The following FAT3 variants were observed in gnomAD, a reference collection of about 807,000 sequenced individuals.
FAT3 encodes protocadherin Fat 3.
In FAT3, 95 loss-of-function variants were observed where a neutral mutation model predicts 310.2. The ratio of observed to expected loss-of-function variants is 0.31; its 90% CI spans 0.26 to 0.36. The LOEUF (loss-of-function observed/expected upper bound fraction) is 0.36, where lower values mean the gene tolerates loss of function less well. Ranked by LOEUF, FAT3 falls within the 10% of genes least tolerant of loss-of-function variation. FAT3 has a pLI of 1.00. For missense variants in FAT3, 5,408 were observed against 5,715.6 expected (o/e 0.95, Z 1.74); for synonymous variants, 2,314 against 2,192.9 (o/e 1.06, Z -1.54).
At chr11:92,543,210 C>T (rs1954508239) in intron 3 of FAT3, among the ~76,000 whole-genome samples, 1 of 152,018 alleles carries the variant, frequency 6.6e-6, no homozygotes, top group Non-Finnish European at 1.5e-5. Flanking sequence ...AGAGATTAAT[C>T]AACATGTATA....
rs377320111 is a variant in FAT3, at chr11:92,801,830, G to T, written c.8817G>T (p.Pro2939=). 8 of 1,613,840 alleles carry T rather than the reference G, an allele frequency of 5.0e-6. No individual in the cohort carries two copies. The African/African-American group carries it at 9.3e-5, about 19-fold the overall frequency. Residue 2939 remains proline (P), a synonymous_variant, in exon 10 of 28, where the codon CCG becomes CCT. Coordinates refer to ENST00000525166, the MANE Select transcript of FAT3 (RefSeq NM_001367949.2). ...GGAATGTGAAGGAGAGCGACCCACC[G>T]GGCGAGGTGGTAGCCGTCCTCAGCA... ...YRGNVKESDP[P]GEVVAVLSTW...
At chr11:92,884,786 G>A (rs567835165) in intron 24 of FAT3, among the ~76,000 whole-genome samples, 1 of 152,280 alleles carries the variant, frequency 6.6e-6, no homozygotes, top group South Asian at 2.1e-4. Flanking sequence ...TCAGGTGAGA[G>A]GTCAAGGTTA....
At chr11:92,363,931 T>C (rs1171794328) in intron 2 of FAT3, among the ~76,000 whole-genome samples, 77 of 152,146 alleles carry the variant, frequency 5.1e-4, no homozygotes, top group Admixed American at 5.0e-3. Flanking sequence ...TGGAAAATAA[T>C]AAACAGCATG....
intron 2 of FAT3, among the ~76,000 whole-genome samples, chr11:92,375,457 A>G (rs1209292567): frequency 1.3e-5 from 2 of 152,138 alleles, no homozygotes; most frequent in African/African-American, 2.4e-5. Context: ...TGGATTTTGT[A>G]AAAAGTGTTT....
rs1357530394 is a variant in FAT3 at position 92,411,087 on chromosome 11, T to C, written c.3292+55683T>C. On this transcript the variant is annotated intron_variant, in intron 2 of 27. Coordinates refer to ENST00000525166, the MANE Select transcript of FAT3 (RefSeq NM_001367949.2). ...TATATATAAATATATGAGAACTATA[T>C]AGATTATATATATTATATATAAAAA... Among the ~76,000 whole-genome samples, 3 of 124,880 alleles carry C rather than the reference T, an allele frequency of 2.4e-5. No individual in the cohort carries two copies. In the East Asian group the frequency reaches 6.4e-4, roughly 27 times the overall value. 81.9% of individuals were successfully genotyped at this position (124,880 alleles called of 152,430 possible). A position where few individuals can be genotyped will look rare whatever the true frequency, so the allele number is the denominator to read the frequency against.
chr11:92,632,246 G>T (rs1422191099), intron 3 of FAT3, among the ~76,000 whole-genome samples: 2 of 152,170 alleles, frequency 1.3e-5, no homozygotes, highest in African/African-American at 4.8e-5. Flanking sequence ...TGCTAATGAG[G>T]ACTAGGCACA....
At chr11:92,377,998 GCTCTATGAAGAA>G (rs149732073) in intron 2 of FAT3, among the ~76,000 whole-genome samples, 8,853 of 152,100 alleles carry the variant, frequency 0.058, 845 homozygotes, top group African/African-American at 0.2. Context: ...GGACACTGTG[GCTCTATGAAGAA>G]CTTAACTACA....
At chr11:92,542,713 A>G (rs1954490902) in intron 3 of FAT3, among the ~76,000 whole-genome samples, 1 of 152,068 alleles carries the variant, frequency 6.6e-6, no homozygotes, top group East Asian at 1.9e-4. Context: ...AAGGGGAACT[A>G]TTATGCACTG....
chr11:92,651,368 G>A lies in FAT3; in HGVS notation c.3608-46016G>A, dbSNP rs144266422. Among the ~76,000 whole-genome samples, 1,012 of 152,314 alleles carry A rather than the reference G, an allele frequency of 6.6e-3. 13 individuals carry two copies. The highest frequency in any genetic ancestry group is 0.023 in the African/African-American group (958 of 41,562). Reference sequence around the variant, plus strand: ...ATGCTGCAGGCTACTTCCCATGAGGGCCCGTTTGGGCTTGGTCAATGCACT... The same window carrying A: ...ATGCTGCAGGCTACTTCCCATGAGGACCCGTTTGGGCTTGGTCAATGCACT... On this transcript the variant is annotated intron_variant, in intron 3 of 27. Coordinates refer to ENST00000525166, the MANE Select transcript of FAT3 (RefSeq NM_001367949.2).
chr11:92,564,703 A>C (rs1184070130), intron 3 of FAT3, among the ~76,000 whole-genome samples: 2 of 152,158 alleles, frequency 1.3e-5, no homozygotes, highest in Admixed American at 1.3e-4. Flanking sequence ...ACCACAGTGC[A>C]ATCAAACTAG....
chr11:92,784,635 C>T (rs532948934), intron 7 of FAT3, among the ~76,000 whole-genome samples: 107 of 152,278 alleles, frequency 7.0e-4, no homozygotes, highest in African/African-American at 2.4e-3. Flanking sequence ...TTAGGCATTT[C>T]AATTACCATT....
chr11:92,563,450 A>T (rs1023026570), intron 3 of FAT3, among the ~76,000 whole-genome samples: 1 of 152,190 alleles, frequency 6.6e-6, no homozygotes, highest in Non-Finnish European at 1.5e-5. Context: ...AACTTCAGAC[A>T]CTACCAGGTT....
At chr11:92,478,024 T>C (rs758407080) in intron 2 of FAT3, among the ~76,000 whole-genome samples, 4 of 152,226 alleles carry the variant, frequency 2.6e-5, no homozygotes, top group Admixed American at 6.5e-5. Flanking sequence ...CATATTACTT[T>C]CCTGACGTGT....
intron 2 of FAT3, among the ~76,000 whole-genome samples, chr11:92,514,836 G>T (rs543194928): frequency 1.3e-5 from 2 of 152,292 alleles, no homozygotes; most frequent in African/African-American, 4.8e-5. Context: ...ATTCTGAAAT[G>T]TGAATGGGAA....
Position 92,688,078 on chromosome 11 carries a change from G to A in FAT3, c.3608-9306G>A, listed in dbSNP as rs779863916. 2.6e-5 allele frequency among the ~76,000 whole-genome samples: 4 copies of A among 151,924 alleles called. No homozygotes were observed. In the South Asian group the frequency reaches 6.3e-4, roughly 24 times the overall value. Reference sequence around the variant, plus strand: ...AACTAGCTGGGGATGATGGTGCACCGGTAGTCTCAGCTACTTGGGAGGCTG... The same window carrying A: ...AACTAGCTGGGGATGATGGTGCACCAGTAGTCTCAGCTACTTGGGAGGCTG... On this transcript the variant is annotated intron_variant, in intron 3 of 27. Transcript: ENST00000525166.
chr11:92,397,508 T>C (rs1949900511), intron 2 of FAT3, among the ~76,000 whole-genome samples: 1 of 152,184 alleles, frequency 6.6e-6, no homozygotes, highest in Admixed American at 6.5e-5. Context: ...TTTGGCTGGG[T>C]TAAATCACTT....
intron 2 of FAT3, among the ~76,000 whole-genome samples, chr11:92,473,414 G>T (rs372707314): frequency 6.6e-6 from 1 of 152,040 alleles, no homozygotes; most frequent in African/African-American, 2.4e-5. Context: ...TCTGTCTTTA[G>T]CATTTCATCT....
intron 2 of FAT3, among the ~76,000 whole-genome samples, chr11:92,378,545 A>G (rs1052150789): frequency 6.6e-6 from 1 of 152,184 alleles, no homozygotes; most frequent in Non-Finnish European, 1.5e-5. Context: ...TATTTTAACT[A>G]TATCAAGGGC....
chr11:92,857,285 T>C lies in FAT3; in HGVS notation c.11437T>C (p.Tyr3813His). The change falls in exon 20 of 28, where the codon TAT becomes CAT. Residue 3813 changes from tyrosine (Y) to histidine (H), a missense_variant. Tyr to His is a moderately conservative substitution (Grantham distance 83, BLOSUM62 2). This residue lies in a region of FAT3 where 4,588 missense variants were observed against 4,809.8 expected (regional missense o/e 0.95). Transcript: ENST00000525166. ...PCPGDMQCVSYEASRRPFLCQ... is the reference protein window; with the variant it reads ...PCPGDMQCVSHEASRRPFLCQ... Reference sequence around the variant, plus strand: ...TCCAGGGGACATGCAGTGTGTCAGTTATGAAGCCAGCAGGAGACCGTTCCT... The same window carrying C: ...TCCAGGGGACATGCAGTGTGTCAGTCATGAAGCCAGCAGGAGACCGTTCCT... 6.2e-7 allele frequency: 1 copy of C among 1,613,956 alleles called. No homozygotes were observed. Among genetic ancestry groups the C allele is most frequent in the Admixed American group, 1.7e-5 (1 of 60,022 alleles).
Sources: allele counts gnomAD v4.1 joint callset (sites outside exome capture counted in the v4.1 genomes callset), GRCh38; gene constraint gnomAD v4.1.1; regional missense constraint gnomAD v4.1.1; transcripts MANE v1.5; gene names NCBI Gene and HGNC (gene_info 2026-07-23, HGNC 2026-07-21).